The following ENTREP2 variants were observed in gnomAD, a reference collection of about 807,000 sequenced individuals.
ENTREP2 encodes the protein endosomal transmembrane epsin interactor 2.
the ENTREP2 span, among the ~76,000 whole-genome samples, chr15:29,248,961 T>C: frequency 6.6e-6 from 1 of 152,210 alleles, no homozygotes; most frequent in Non-Finnish European, 1.5e-5. Flanking sequence ...AGAGATATGG[T>C]TAAATAAACA....
the ENTREP2 span, among the ~76,000 whole-genome samples, chr15:29,317,972 T>C: frequency 6.6e-6 from 1 of 152,180 alleles, no homozygotes; most frequent in Admixed American, 6.5e-5. Context: ...TTTTGAAACC[T>C]CATGACAGTG....
the ENTREP2 span, among the ~76,000 whole-genome samples, chr15:29,362,707 G>C: frequency 6.6e-6 from 1 of 151,978 alleles, no homozygotes; most frequent in Non-Finnish European, 1.5e-5. Context: ...CTAGCTCGCT[G>C]TCACTTGCAA....
chr15:29,155,938 C>T, the ENTREP2 span, among the ~76,000 whole-genome samples: 1 of 152,120 alleles, frequency 6.6e-6, no homozygotes, highest in Non-Finnish European at 1.5e-5. Flanking sequence ...ACTAGGCGGA[C>T]TGCCTTAGGG....
the ENTREP2 span, among the ~76,000 whole-genome samples, chr15:29,410,991 G>C: frequency 6.6e-6 from 1 of 152,040 alleles, no homozygotes; most frequent in Non-Finnish European, 1.5e-5. Context: ...TCACCATGTT[G>C]GTCAGGCTGG....
the ENTREP2 span, among the ~76,000 whole-genome samples, chr15:29,342,787 C>T: frequency 8.5e-5 from 13 of 152,182 alleles, no homozygotes; most frequent in African/African-American, 2.4e-4. Flanking sequence ...TCTCTGACCC[C>T]GCCCATTTTT....
the ENTREP2 span, among the ~76,000 whole-genome samples, chr15:29,461,944 T>C: frequency 1.3e-5 from 2 of 152,130 alleles, no homozygotes; most frequent in Non-Finnish European, 2.9e-5. Flanking sequence ...ACCATTCTAT[T>C]TTCTGTCTCT....
chr15:29,649,322 C>T, the ENTREP2 span, among the ~76,000 whole-genome samples: 4 of 152,138 alleles, frequency 2.6e-5, no homozygotes, highest in Non-Finnish European at 4.4e-5. Flanking sequence ...GCACTTTTCT[C>T]CTTGTTCTTA....
the ENTREP2 span, among the ~76,000 whole-genome samples, chr15:29,245,704 A>C: frequency 1.3e-5 from 2 of 152,068 alleles, no homozygotes; most frequent in Non-Finnish European, 2.9e-5. Context: ...CAGATAAAGA[A>C]ATATAAGCAA....
At chr15:29,408,528 T>G in the ENTREP2 span, among the ~76,000 whole-genome samples, 1 of 152,198 alleles carries the variant, frequency 6.6e-6, no homozygotes, top group Non-Finnish European at 1.5e-5. Context: ...TATGAGAAAC[T>G]GATCTGAATC....
At chr15:29,605,839 G>GA in the ENTREP2 span, among the ~76,000 whole-genome samples, 1 of 151,492 alleles carries the variant, frequency 6.6e-6, no homozygotes, top group African/African-American at 2.4e-5. Context: ...CATATCAAAA[G>GA]AAAAAAATAA....
At chr15:29,509,061 T>C in the ENTREP2 span, among the ~76,000 whole-genome samples, 1 of 152,208 alleles carries the variant, frequency 6.6e-6, no homozygotes, top group Non-Finnish European at 1.5e-5. Context: ...AGTCTCAGGA[T>C]ACAAAATCAA....
the ENTREP2 span, among the ~76,000 whole-genome samples, chr15:29,634,295 G>T: frequency 6.6e-6 from 1 of 152,028 alleles, no homozygotes; most frequent in African/African-American, 2.4e-5. Flanking sequence ...ACCCTTTGGT[G>T]CTGGCTCCTG....
the ENTREP2 span, among the ~76,000 whole-genome samples, chr15:29,462,049 G>A: frequency 6.6e-6 from 1 of 152,112 alleles, no homozygotes. Context: ...ACCATGTCAA[G>A]GTTCATCCAT....
chr15:29,398,129 G>C, the ENTREP2 span, among the ~76,000 whole-genome samples: 4 of 149,266 alleles, frequency 2.7e-5, no homozygotes, highest in African/African-American at 9.9e-5. Flanking sequence ...GAAAGACAGA[G>C]ACTCAAAAAC....
chr15:29,311,761 C>T, the ENTREP2 span, among the ~76,000 whole-genome samples: 2 of 152,170 alleles, frequency 1.3e-5, no homozygotes, highest in East Asian at 3.8e-4. Context: ...GTAGATATTA[C>T]ACACTATATT....
the ENTREP2 span, among the ~76,000 whole-genome samples, chr15:29,589,354 C>T: frequency 6.6e-6 from 1 of 152,184 alleles, no homozygotes; most frequent in African/African-American, 2.4e-5. Context: ...TAAAACCTCG[C>T]CTTCTTGGCT....
At chr15:29,160,471 G>A in the ENTREP2 span, among the ~76,000 whole-genome samples, 3 of 152,144 alleles carry the variant, frequency 2.0e-5, no homozygotes, top group African/African-American at 7.2e-5. Flanking sequence ...CAGCACTTTT[G>A]GAGGCTAAGG....
chr15:29,297,465 G>A, the ENTREP2 span, among the ~76,000 whole-genome samples: 1 of 152,202 alleles, frequency 6.6e-6, no homozygotes, highest in Non-Finnish European at 1.5e-5. Context: ...AAGCACAGTA[G>A]ATAACTAGTA....
At chr15:29,139,314 T>C in the ENTREP2 span, among the ~76,000 whole-genome samples, 3 of 152,192 alleles carry the variant, frequency 2.0e-5, no homozygotes, top group African/African-American at 7.2e-5. Context: ...CACGGCTGCG[T>C]GTGTTTAATT....
Sources: allele counts gnomAD v4.1 joint callset (sites outside exome capture counted in the v4.1 genomes callset), GRCh38; gene constraint gnomAD v4.1.1; transcripts MANE v1.5; gene names NCBI Gene and HGNC (gene_info 2026-07-23, HGNC 2026-07-21).